Variants in FBXW9 observed in about 807,000 individuals in gnomAD.
FBXW9 encodes F-box and WD repeat domain containing 9.
A neutral mutation model predicts 55.8 loss-of-function variants in FBXW9; 38 were observed. That is an observed-to-expected ratio of 0.68 (90% CI 0.53 to 0.89). FBXW9 has a LOEUF of 0.89. Among genes scored for constraint, FBXW9 ranks in the 40% least tolerant of loss-of-function variants. The pLI is 0.00. For missense variants in FBXW9, 590 were observed against 619.4 expected (o/e 0.95, Z 0.50); for synonymous variants, 289 against 278.2 (o/e 1.04, Z -0.38).
intron 1 of FBXW9, 60 bp downstream of exon 1, chr19:12,696,113 C>G: frequency 6.8e-7 from 1 of 1,463,512 alleles, no homozygotes; most frequent in Non-Finnish European, 9.0e-7. Flanking sequence ...CTTCCCCGCC[C>G]CAAGCCTGAC....
chr19:12,689,163 AGAG>A lies in FBXW9; in HGVS notation c.*50_*52del. 4.4e-6 allele frequency: 6 copies of A among 1,361,988 alleles called. 1 individual carries two copies. In the South Asian group the frequency reaches 5.8e-5, roughly 13 times the overall value. The allele number at this position is 1,361,988 out of a possible 1,614,324, so 84.4% of individuals were successfully genotyped here. A position where few individuals can be genotyped will look rare whatever the true frequency, so the allele number is the denominator to read the frequency against. ...ACATTGGGGATGGTCCCCCAAGAAC[AGAG>A]GAGGAAGCCCAGCCTCCGGCAGGCA... On this transcript the variant is annotated 3_prime_UTR_variant, in exon 10 of 10. Coordinates refer to ENST00000393261, the MANE Select transcript of FBXW9 (RefSeq NM_032301.3). The surrounding 1 kb of genome is among the most constrained non-coding windows in gnomAD (Gnocchi z 5.9).
intron 5 of FBXW9, 124 bp downstream of exon 5, chr19:12,691,042 C>T: frequency 1.1e-6 from 1 of 880,332 alleles, no homozygotes; most frequent in Non-Finnish European, 1.9e-6. Flanking sequence ...ACCAGCACAG[C>T]ATGGCCACTC....
chr19:12,692,813 T>G (rs1332931093), intron 3 of FBXW9, among the ~76,000 whole-genome samples: 1 of 152,190 alleles, frequency 6.6e-6, no homozygotes. Context: ...CCTGAGCAAC[T>G]AACTGCACCC....
chr19:12,689,859 G>A lies in FBXW9; in HGVS notation c.1048C>T (p.Leu350Phe), dbSNP rs773623261. Residue 350 changes from leucine (L) to phenylalanine (F), a missense_variant, in exon 7 of 10, where the codon CTC becomes TTC. Physicochemically the swap from Leu to Phe is conservative, Grantham distance 22 (BLOSUM62 0). Transcript: ENST00000393261. This position sits in a 1 kb window ranked among gnomAD's most constrained non-coding sequence, Gnocchi z 5.9. ...LQRLQLDSYLLCMSYQEPQLW... is the reference protein window; with the variant it reads ...LQRLQLDSYLFCMSYQEPQLW... ...TGGGGTTCCTGGTAGGACATGCAGAGCAGGTAGGAGTCCAGCTACGAGAGG... is the reference window on the plus strand; with the variant it reads ...TGGGGTTCCTGGTAGGACATGCAGAACAGGTAGGAGTCCAGCTACGAGAGG... 2.5e-6 allele frequency: 4 copies of A among 1,614,100 alleles called. No homozygotes were observed. The African/African-American group carries it at 4.0e-5, about 16-fold the overall frequency.
Position 12,696,589 on chromosome 19 carries a change from G to C in FBXW9, c.-8C>G, listed in dbSNP as rs141072366. ...CCCTAGGGGAAGCTCCATTGCGACC[G>C]GGTGGGCGCTGCCGGCCTCGCGTCT... is the stretch of plus-strand genomic sequence containing the variant. On this transcript the variant is annotated 5_prime_UTR_variant, in exon 1 of 10. Coordinates refer to ENST00000393261, the MANE Select transcript of FBXW9 (RefSeq NM_032301.3). 6 of 1,605,228 alleles carry C rather than the reference G, an allele frequency of 3.7e-6. No homozygotes were observed. Among genetic ancestry groups the C allele is most frequent in the Middle Eastern group, 1.7e-4 (1 of 6,032 alleles).
rs2024965627 is a variant in FBXW9 at position 12,689,189 on chromosome 19, G to A, written c.*27C>T. The A allele has an allele frequency of 1.3e-6, 2 of 1,517,996 alleles. No homozygotes were observed. Among genetic ancestry groups the A allele is most frequent in the African/African-American group, 2.7e-5 (2 of 72,916 alleles). 94.0% of individuals were successfully genotyped at this position (1,517,996 alleles called of 1,614,324 possible). On this transcript the variant is annotated 3_prime_UTR_variant, in exon 10 of 10. Coordinates refer to ENST00000393261, the MANE Select transcript of FBXW9 (RefSeq NM_032301.3). The surrounding 1 kb of genome is among the most constrained non-coding windows in gnomAD (Gnocchi z 5.9). ...GAGGAGGAAGCCCAGCCTCCGGCAG[G>A]CAGTATCCACATCCACGCCCACCTG...
chr19:12,691,731 G>A (rs996869209), intron 3 of FBXW9, among the ~76,000 whole-genome samples: 2 of 152,134 alleles, frequency 1.3e-5, no homozygotes, highest in African/African-American at 2.4e-5. Context: ...TGACTTCAGA[G>A]TCCAGGAAAG....
In FBXW9 at chr19:12,696,071, C is replaced by G. The variant is rs146325760; in HGVS notation, c.409+102G>C. The G allele has an allele frequency of 2.8e-3, 3,299 of 1,192,778 alleles. 81 individuals carry two copies. The East Asian group carries it at 0.056, about 20-fold the overall frequency. The allele number at this position is 1,192,778 out of a possible 1,614,324, so 73.9% of individuals were successfully genotyped here. On this transcript the variant is annotated intron_variant, in intron 1 of 9. Coordinates refer to ENST00000393261, the MANE Select transcript of FBXW9 (RefSeq NM_032301.3). ...GCCAGGACAGCCACGAAGCCTGCAC[C>G]AGAGGCTGCATCCGGAACACCCCAT... is the stretch of plus-strand genomic sequence containing the variant.
In FBXW9 at chr19:12,696,156, CCCCCGGCCCCGCGCA is replaced by C; in HGVS notation, c.409+2_409+16del. On this transcript the variant is annotated splice_donor_variant and splice_donor_5th_base_variant and intron_variant, in intron 1 of 9. Coordinates refer to ENST00000393261, the MANE Select transcript of FBXW9 (RefSeq NM_032301.3). LOFTEE classifies it high-confidence loss of function. ...GGCGCCCCCGGCCCCCGGTCCCCGG[CCCCCGGCCCCGCGCA>C]CCTTCCACCACTGGGTAGGGCGCGC... is the stretch of plus-strand genomic sequence containing the variant. The C allele has an allele frequency of 6.7e-7, 1 of 1,503,074 alleles. No individual in the cohort carries two copies. The allele number at this position is 1,503,074 out of a possible 1,614,324, so 93.1% of individuals were successfully genotyped here.
intron 3 of FBXW9, 150 bp from the exon 4 acceptor site, chr19:12,691,604 A>C: frequency 1.5e-6 from 1 of 652,576 alleles, no homozygotes; most frequent in Non-Finnish European, 2.7e-6. Flanking sequence ...ATGGTGATAG[A>C]TGCTGCAGCA....
In FBXW9 at chr19:12,689,084, C is replaced by T. The variant is rs772733083; in HGVS notation, c.*132G>A. The stretch of plus-strand genomic sequence containing the variant: ...TAGGGCCCAGGCCAGGACGCTCACC[C>T]GAATGTGGCTGGGACTCCTTGTGCC... On this transcript the variant is annotated 3_prime_UTR_variant, in exon 10 of 10. Transcript: ENST00000393261. This position sits in a 1 kb window ranked among gnomAD's most constrained non-coding sequence, Gnocchi z 5.9. 7.4e-6 allele frequency: 6 copies of T among 810,380 alleles called. No homozygotes were observed. Among genetic ancestry groups the T allele is most frequent in the South Asian group, 1.4e-5 (1 of 71,188 alleles). 50.2% of individuals were successfully genotyped at this position (810,380 alleles called of 1,614,324 possible).
chr19:12,688,971 C>A lies in FBXW9; in HGVS notation c.*245G>T. 1.5e-6 allele frequency: 1 copy of A among 678,388 alleles called. No individual in the cohort carries two copies. Among genetic ancestry groups the A allele is most frequent in the Non-Finnish European group, 2.7e-6 (1 of 368,888 alleles). 42.0% of individuals were successfully genotyped at this position (678,388 alleles called of 1,614,324 possible). The stretch of plus-strand genomic sequence containing the variant: ...CCTTCGCTCTCAACTGAGAGCGGGG[C>A]ATCCAAATCATAACAAAACCAGGGC... On this transcript the variant is annotated 3_prime_UTR_variant, in exon 10 of 10. Transcript: ENST00000393261.
At chr19:12,694,052 G>T (rs1363536129) in intron 3 of FBXW9, among the ~76,000 whole-genome samples, 2 of 151,756 alleles carry the variant, frequency 1.3e-5, no homozygotes, top group African/African-American at 4.8e-5. Flanking sequence ...GCTGGGCATG[G>T]TGGTCCTAGC....
chr19:12,693,527 A>T (rs1435489057), intron 3 of FBXW9, among the ~76,000 whole-genome samples: 299 of 19,904 alleles, frequency 0.015, 26 homozygotes, highest in African/African-American at 0.052. Context: ...AAAAAAAAAA[A>T]AAATATATAT....
At position 12,696,323 on chromosome 19, in the gene FBXW9, G is replaced by T; in HGVS notation, c.259C>A (p.Leu87Met). The T allele has an allele frequency of 6.3e-7, 1 of 1,589,772 alleles. No individual in the cohort carries two copies. Among genetic ancestry groups the T allele is most frequent in the African/African-American group, 1.3e-5 (1 of 74,722 alleles). ...PGLLSLPPEL[L>M]LEICSYLDAR... ...TCCAGGTAGGAGCAGATCTCGAGCA[G>T]CAGCTCCGGGGGAAGGCTCAGAAGG... Residue 87 changes from leucine (L) to methionine (M), a missense_variant, in exon 1 of 10, where the codon CTG (leucine) becomes ATG (methionine). Transcript: ENST00000393261.
chr19:12,696,248 C>G lies in FBXW9; in HGVS notation c.334G>C (p.Asp112His), dbSNP rs868025901. 1 of 1,565,370 alleles carries G rather than the reference C, an allele frequency of 6.4e-7. No homozygotes were observed. Among genetic ancestry groups the G allele is most frequent in the African/African-American group, 1.4e-5 (1 of 73,618 alleles). Residue 112 changes from aspartate (D) to histidine (H), a missense_variant, in exon 1 of 10, where the codon GAC becomes CAC. Physicochemically the swap from Asp to His is moderately conservative, Grantham distance 81 (BLOSUM62 -1). Coordinates refer to ENST00000393261, the MANE Select transcript of FBXW9 (RefSeq NM_032301.3). Reference sequence around the variant, plus strand: ...CAGGTGACATGGTCAGACACGAGGTCGCGGAGCGCGTGGCACACCCGCGAC... The same window carrying G: ...CAGGTGACATGGTCAGACACGAGGTGGCGGAGCGCGTGGCACACCCGCGAC... ...VLSRVCHALR[D>H]LVSDHVTWRL... is the part of the protein sequence containing the mutation.
chr19:12,689,676 G>A lies in FBXW9; in HGVS notation c.1147-46C>T, dbSNP rs7248201. 6.2e-7 allele frequency: 1 copy of A among 1,608,994 alleles called. No homozygotes were observed. The highest frequency in any genetic ancestry group is 8.5e-7 in the Non-Finnish European group (1 of 1,175,912). On this transcript the variant is annotated intron_variant, in intron 7 of 9. Transcript: ENST00000393261. This position sits in a 1 kb window ranked among gnomAD's most constrained non-coding sequence, Gnocchi z 5.9. ...AACACTCAGTCGAGGCTCTCCCAAG[G>A]CCCGCCCTCCCCCACACCACCAGGG...
rs1215149376 is a variant in FBXW9 at position 12,689,907 on chromosome 19, G to A, written c.1033-33C>T. 6.2e-7 allele frequency: 1 copy of A among 1,612,658 alleles called. No individual in the cohort carries two copies. The highest frequency in any genetic ancestry group is 8.5e-7 in the Non-Finnish European group (1 of 1,178,782). On this transcript the variant is annotated intron_variant, in intron 6 of 9. Transcript: ENST00000393261. This position sits in a 1 kb window ranked among gnomAD's most constrained non-coding sequence, Gnocchi z 5.9. ...AGGGACAAGGGACGGGACAGCTCAG[G>A]CCGGGCTGGGCCTGCAACAGTCCCC...
In FBXW9 at chr19:12,694,560, G is replaced by T. The variant is rs1362441540; in HGVS notation, c.678+34C>A. 1.9e-6 allele frequency: 3 copies of T among 1,605,652 alleles called. No homozygotes were observed. In the African/African-American group the frequency reaches 4.0e-5, roughly 21 times the overall value. ...GCCTTAACCAAGATGCCCTACTCAGGCCTCATACCTCCTATCCCCACCTGA... is the reference window on the plus strand; with the variant it reads ...GCCTTAACCAAGATGCCCTACTCAGTCCTCATACCTCCTATCCCCACCTGA... On this transcript the variant is annotated intron_variant, in intron 3 of 9. Transcript: ENST00000393261.
Sources: allele counts gnomAD v4.1 joint callset (sites outside exome capture counted in the v4.1 genomes callset), GRCh38; gene constraint gnomAD v4.1.1; non-coding constraint Gnocchi (gnomAD v3.1); transcripts MANE v1.5; gene names NCBI Gene and HGNC (gene_info 2026-07-23, HGNC 2026-07-21).